The following FAM153A variants were observed in gnomAD, a reference collection of about 807,000 sequenced individuals.
FAM153A encodes the protein family with sequence similarity 153 member A.
In FAM153A, 12 loss-of-function variants were observed where a neutral mutation model predicts 48.1. The observed-to-expected ratio is 0.25, with a 90% CI of 0.16 to 0.40. FAM153A has a LOEUF of 0.40. Among genes scored for constraint, FAM153A ranks in the 10% least tolerant of loss-of-function variants. The pLI is 1.00. For synonymous variants in FAM153A, 36 were observed against 118.2 expected (o/e 0.30, Z 4.51); for missense variants, 111 against 345.8 (o/e 0.32, Z 5.38).
At chr5:177,695,078 C>T in the FAM153A span, among the ~76,000 whole-genome samples, 18 of 132,100 alleles carry the variant, frequency 1.4e-4, no homozygotes, top group African/African-American at 5.3e-4. Context: ...CGCATGCCAC[C>T]ATGCCTGGCT....
the FAM153A span, among the ~76,000 whole-genome samples, chr5:177,696,316 A>AGGC: frequency 7.2e-6 from 1 of 138,104 alleles, no homozygotes; most frequent in African/African-American, 2.8e-5. Flanking sequence ...GGCCGGGCAG[A>AGGC]GGCGCTCCTC....
upstream of FAM153A, among the ~76,000 whole-genome samples, chr5:177,754,326 C>A (rs1351227974): frequency 6.6e-6 from 1 of 151,666 alleles, no homozygotes; most frequent in Admixed American, 6.6e-5. Flanking sequence ...AGTAGGTAAA[C>A]AAAGTGGCTG....
chr5:177,725,004 CTG>C (rs1210182109), intron 18 of FAM153A, among the ~76,000 whole-genome samples, 183 bp from the exon 21 acceptor site: 4 of 149,702 alleles, frequency 2.7e-5, no homozygotes, highest in African/African-American at 7.6e-5. Flanking sequence ...ATCATTTCCT[CTG>C]TGCTATGAGG....
chr5:177,737,586 T>C (rs921299966), intron 10 of FAM153A, among the ~76,000 whole-genome samples: 1 of 151,364 alleles, frequency 6.6e-6, no homozygotes, highest in Non-Finnish European at 1.5e-5. Flanking sequence ...AATTGTGCAA[T>C]CTCAACCCAC....
chr5:177,710,524 G>A (rs1256696372), downstream of FAM153A, among the ~76,000 whole-genome samples: 5 of 151,592 alleles, frequency 3.3e-5, no homozygotes, highest in East Asian at 9.7e-4. Context: ...AGGATTTTAT[G>A]CATGCTTTTT....
At chr5:177,765,664 T>C (rs1335220240) in intron 1 of FAM153A, among the ~76,000 whole-genome samples, 1 of 123,990 alleles carries the variant, frequency 8.1e-6, no homozygotes, top group East Asian at 2.6e-4. Context: ...ACAGGTCATC[T>C]GGGGCCAATG....
chr5:177,781,885 ATTTTTTTTTTT>A (rs1278832484), upstream of FAM153A, among the ~76,000 whole-genome samples: 1 of 67,292 alleles, frequency 1.5e-5, no homozygotes, highest in Non-Finnish European at 3.1e-5. Flanking sequence ...CGCCCGGCTA[ATTTTTTTTTTT>A]TTTTTTGTAT....
chr5:177,752,739 C>G (rs1181900984), intron 1 of FAM153A, among the ~76,000 whole-genome samples: 6 of 130,230 alleles, frequency 4.6e-5, no homozygotes, highest in Non-Finnish European at 8.0e-5. Context: ...ACCTCCCTTG[C>G]CAACATGGTA....
At position 177,714,333 on chromosome 5, in the gene FAM153A, T is replaced by C. The variant is rs562099267; in HGVS notation, c.*1223-417A>G. Among the ~76,000 whole-genome samples the C allele has an allele frequency of 3.9e-3, 587 of 151,742 alleles. 3 individuals carry two copies. The highest frequency in any genetic ancestry group is 7.4e-3 in the Non-Finnish European group (502 of 67,994). On this transcript the variant is annotated intron_variant and NMD_transcript_variant, in intron 25 of 26. Coordinates refer to the FAM153A transcript ENST00000360669. ...CAGGCTATTTTAAAATTGCTTTTTT[T>C]CTACAAAAATAAGTGTTAAATTCTT...
intron 1 of FAM153A, among the ~76,000 whole-genome samples, chr5:177,759,742 C>T (rs1768118754): frequency 6.6e-6 from 1 of 151,008 alleles, no homozygotes; most frequent in African/African-American, 2.5e-5. Flanking sequence ...CATGTTCTCA[C>T]TCATAGGTGG....
intron 14 of FAM153A, among the ~76,000 whole-genome samples, chr5:177,734,074 C>T (rs1161200976): frequency 8.4e-6 from 1 of 118,486 alleles, no homozygotes; most frequent in Non-Finnish European, 1.9e-5. Flanking sequence ...ATATGTAGTA[C>T]GGAAACCCAC....
chr5:177,772,324 T>C (rs1410538778), intron 1 of FAM153A, among the ~76,000 whole-genome samples: 1 of 81,528 alleles, frequency 1.2e-5, no homozygotes, highest in Non-Finnish European at 2.4e-5. Context: ...AGACGGGTGA[T>C]TTCTGCATTT....
At chr5:177,700,190 TTCCCA>T in the FAM153A span, among the ~76,000 whole-genome samples, 1 of 151,952 alleles carries the variant, frequency 6.6e-6, no homozygotes, top group Non-Finnish European at 1.5e-5. Flanking sequence ...GGAGGGAACC[TTCCCA>T]ACCCATGAAA....
rs1241943315 is a variant in FAM153A, at chr5:177,769,232, A to T, written c.-57+11217T>A. Among the ~76,000 whole-genome samples the T allele has an allele frequency of 1.1e-4, 7 of 65,876 alleles. 1 individual carries two copies. The highest frequency in any genetic ancestry group is 2.2e-4 in the Non-Finnish European group (7 of 32,200). 43.2% of individuals were successfully genotyped at this position (65,876 alleles called of 152,430 possible). A position where few individuals can be genotyped will look rare whatever the true frequency, so the allele number is the denominator to read the frequency against. On this transcript the variant is annotated intron_variant, in intron 1 of 8. Coordinates refer to the FAM153A transcript ENST00000393518. ...TGGGCGACAGCGAGACTCCGTCCCA[A>T]AAAAAAAAAAAAAAAAAAGGGTGAG...
the FAM153A span, among the ~76,000 whole-genome samples, chr5:177,700,678 T>C: frequency 6.6e-6 from 1 of 151,810 alleles, no homozygotes; most frequent in East Asian, 1.9e-4. Flanking sequence ...GGCAGGCGCC[T>C]GTAATCCCAG....
At chr5:177,734,340 G>A (rs759019481) in intron 14 of FAM153A, 40 bp downstream of exon 16, 20 of 1,137,530 alleles carry the variant, frequency 1.8e-5, no homozygotes, top group African/African-American at 9.8e-5. Flanking sequence ...CTCAACATCT[G>A]GATTACTCAT....
At chr5:177,712,067 A>G (rs1322589374) in exon 27 of FAM153A, 1 of 152,010 alleles carries the variant, frequency 6.6e-6, no homozygotes, top group Non-Finnish European at 1.5e-5. Context: ...AAGGGCTTAT[A>G]TCTAAACTAG....
chr5:177,719,403 C>T (rs527646357), downstream of FAM153A, among the ~76,000 whole-genome samples: 16 of 147,594 alleles, frequency 1.1e-4, no homozygotes, highest in African/African-American at 3.3e-4. Context: ...AAAGTACAGA[C>T]GAGCCTATCC....
At chr5:177,731,209 G>A (rs1561901984) in intron 16 of FAM153A, among the ~76,000 whole-genome samples, 1 of 23,058 alleles carries the variant, frequency 4.3e-5, no homozygotes, top group African/African-American at 2.0e-4. Context: ...TACCACCTGG[G>A]TTCCAGTGAT....
Sources: gnomAD v4.1 joint callset for allele counts (sites outside exome capture counted in the v4.1 genomes callset) on GRCh38, gnomAD v4.1.1 for gene constraint, MANE v1.5 for transcripts, NCBI Gene and HGNC (gene_info 2026-07-23, HGNC 2026-07-21) for gene names.